PLXNA4: variants seen among roughly 807,000 people sequenced by gnomAD.
PLXNA4 encodes the protein plexin A4, also known as plexin-A4.
A neutral mutation model predicts 191.8 loss-of-function variants in PLXNA4; 44 were observed. The observed-to-expected ratio is 0.23, with a 90% CI of 0.18 to 0.29. PLXNA4 has a LOEUF of 0.29. Among genes scored for constraint, PLXNA4 ranks in the 10% least tolerant of loss-of-function variants. PLXNA4 has a pLI of 1.00. For missense variants in PLXNA4, 1,800 were observed against 2,488.8 expected (o/e 0.72, Z 5.89); for synonymous variants, 1,082 against 1,009.5 (o/e 1.07, Z -1.36).
chr7:132,395,280 A>G (rs1156278211), intron 3 of PLXNA4, among the ~76,000 whole-genome samples: 1 of 152,196 alleles, frequency 6.6e-6, no homozygotes, highest in African/African-American at 2.4e-5. Context: ...TATGGGGGCT[A>G]GTTGGCATGG....
intron 1 of PLXNA4, among the ~76,000 whole-genome samples, chr7:132,558,549 C>T (rs1445471380): frequency 6.6e-6 from 1 of 152,150 alleles, no homozygotes; most frequent in Non-Finnish European, 1.5e-5. Context: ...AAGAAGGCTT[C>T]GGTCTTGCTA....
At chr7:132,261,338 C>G (rs1423952134) in intron 4 of PLXNA4, among the ~76,000 whole-genome samples, 3 of 152,208 alleles carry the variant, frequency 2.0e-5, no homozygotes, top group Non-Finnish European at 4.4e-5. Context: ...GCAACGGACA[C>G]GAACTCACTT....
In PLXNA4 at chr7:132,320,687, C is replaced by A. The variant is rs2116634678; in HGVS notation, c.1372-22465G>T. 2.0e-5 allele frequency among the ~76,000 whole-genome samples: 3 copies of A among 152,194 alleles called. No individual in the cohort carries two copies. The South Asian group carries it at 6.2e-4, about 32-fold the overall frequency. ...ATAAAGCTTTTGCTCTTGGTGGATG[C>A]CATATTGGAAGAGGTTAAAGCAAGT... On this transcript the variant is annotated intron_variant, in intron 3 of 31. Coordinates refer to ENST00000321063, the MANE Select transcript of PLXNA4 (RefSeq NM_020911.2).
At chr7:132,167,379 C>G (rs1584786223) in intron 22 of PLXNA4, among the ~76,000 whole-genome samples, 1 of 152,178 alleles carries the variant, frequency 6.6e-6, no homozygotes, top group Admixed American at 6.5e-5. Context: ...CGAGGAAACA[C>G]TTGCTGGGCT....
chr7:132,602,392 C>T (rs1033425281), intron 2 of PLXNA4, among the ~76,000 whole-genome samples: 1 of 152,302 alleles, frequency 6.6e-6, no homozygotes, highest in South Asian at 2.1e-4. Flanking sequence ...TGCTCTATAA[C>T]CTATACGACC....
chr7:132,515,184 G>A (rs893246288), intron 1 of PLXNA4, among the ~76,000 whole-genome samples: 4 of 152,296 alleles, frequency 2.6e-5, no homozygotes, highest in Admixed American at 1.3e-4. Context: ...CCTAAGAACC[G>A]CTAGTGCCAT....
chr7:132,202,255 C>T (rs547379829), intron 12 of PLXNA4, among the ~76,000 whole-genome samples: 1 of 152,254 alleles, frequency 6.6e-6, no homozygotes, highest in African/African-American at 2.4e-5. Context: ...CCAGGCTGTG[C>T]CCCAACACCC....
At chr7:132,357,471 G>T (rs1803756918) in intron 3 of PLXNA4, among the ~76,000 whole-genome samples, 1 of 152,164 alleles carries the variant, frequency 6.6e-6, no homozygotes, top group African/African-American at 2.4e-5. Flanking sequence ...CAATTCATTT[G>T]TTCATTGTAA....
At position 132,151,307 on chromosome 7, in the gene PLXNA4, GA is replaced by G. The variant is rs1562884854; in HGVS notation, c.4661-2662del. ...GAGGAGGAGGAAGAAGAAGGAGGAG[GA>G]AGAAGGAGGAGGAGGAGGAAGAAGA... On this transcript the variant is annotated intron_variant, in intron 25 of 31. Coordinates refer to ENST00000321063, the MANE Select transcript of PLXNA4 (RefSeq NM_020911.2). Among the ~76,000 whole-genome samples, 75 of 53,056 alleles carry G rather than the reference GA, an allele frequency of 1.4e-3. 2 individuals are homozygous for G. Among genetic ancestry groups the G allele is most frequent in the Non-Finnish European group, 2.1e-3 (42 of 19,870 alleles). 34.8% of individuals were successfully genotyped at this position (53,056 alleles called of 152,430 possible).
intron 3 of PLXNA4, among the ~76,000 whole-genome samples, chr7:132,473,877 T>C (rs1338049313): frequency 6.8e-6 from 1 of 147,720 alleles, no homozygotes. Context: ...GAAATTAAAA[T>C]GTACTGAGAA....
chr7:132,200,495 G>A (rs1012314906), intron 12 of PLXNA4, among the ~76,000 whole-genome samples: 2 of 152,190 alleles, frequency 1.3e-5, no homozygotes, highest in East Asian at 3.9e-4. Flanking sequence ...TTTCCTCCAA[G>A]TCTGAGAATC....
chr7:132,147,998 A>G lies in PLXNA4; in HGVS notation c.4766T>C (p.Val1589Ala). 1 of 1,614,068 alleles carries G rather than the reference A, an allele frequency of 6.2e-7. No homozygotes were observed. The highest frequency in any genetic ancestry group is 1.1e-5 in the South Asian group (1 of 91,076). ...KRLNTLAHYQ[V>A]PDGSVVALVS... is the part of the protein sequence containing the mutation. ...TAATGCCACCACGGAACCATCTGGCACCTACAGGGAAAAAGCTTCTCAGGG... is the reference window on the plus strand; with the variant it reads ...TAATGCCACCACGGAACCATCTGGCGCCTACAGGGAAAAAGCTTCTCAGGG... Residue 1589 changes from valine (V) to alanine (A), a missense_variant and splice_region_variant, in exon 27 of 32, where the codon GTG (valine) becomes GCG (alanine). This residue lies in a region of PLXNA4 where 214 missense variants were observed against 298.2 expected (regional missense o/e 0.72). Transcript: ENST00000321063.
At chr7:132,441,155 A>G in intron 3 of PLXNA4, among the ~76,000 whole-genome samples, 1 of 152,184 alleles carries the variant, frequency 6.6e-6, no homozygotes. Context: ...CCCATCAGAA[A>G]TAGAACTAGA....
intron 3 of PLXNA4, among the ~76,000 whole-genome samples, chr7:132,456,993 A>T (rs1247939034): frequency 6.6e-6 from 1 of 152,200 alleles, no homozygotes; most frequent in Non-Finnish European, 1.5e-5. Flanking sequence ...CCCATGTCAC[A>T]CAGACATAAG....
chr7:132,518,454 C>T (rs943361096), intron 1 of PLXNA4, among the ~76,000 whole-genome samples: 5 of 152,170 alleles, frequency 3.3e-5, no homozygotes, highest in Non-Finnish European at 5.9e-5. Flanking sequence ...GCCCTCCTTC[C>T]GGTGTGCTTC....
At chr7:132,267,763 A>C (rs1441957008) in intron 4 of PLXNA4, among the ~76,000 whole-genome samples, 13 of 152,184 alleles carry the variant, frequency 8.5e-5, no homozygotes, top group Non-Finnish European at 1.5e-5. Flanking sequence ...ACCTCAAACC[A>C]AATGGAGGCT....
intron 14 of PLXNA4, among the ~76,000 whole-genome samples, chr7:132,188,356 T>G (rs1796948416): frequency 6.6e-6 from 1 of 152,194 alleles, no homozygotes; most frequent in Admixed American, 6.5e-5. Flanking sequence ...ATGGAAAAAC[T>G]TTCCTCAGTC....
chr7:132,259,657 A>G (rs1799566062), intron 4 of PLXNA4, among the ~76,000 whole-genome samples: 1 of 151,972 alleles, frequency 6.6e-6, no homozygotes, highest in South Asian at 2.1e-4. Flanking sequence ...CTACCCACCA[A>G]ATGAGACCTG....
At chr7:132,581,508 T>C (rs1213220458), upstream of PLXNA4, among the ~76,000 whole-genome samples, 1 of 152,210 alleles carries the variant, frequency 6.6e-6, no homozygotes, top group African/African-American at 2.4e-5. Flanking sequence ...TAGGAACAAG[T>C]CTGACCATTT....
Sources: gnomAD v4.1 joint callset for allele counts (sites outside exome capture counted in the v4.1 genomes callset) on GRCh38, gnomAD v4.1.1 for gene constraint, gnomAD v4.1.1 regional missense constraint, MANE v1.5 for transcripts, NCBI Gene and HGNC (gene_info 2026-07-23, HGNC 2026-07-21) for gene names.